MCOLN2: variants seen among roughly 807,000 people sequenced by gnomAD.
MCOLN2 encodes mucolipin-2.
MCOLN2 carries 57 observed loss-of-function variants against 67.5 expected under a neutral mutation model. That is an observed-to-expected ratio of 0.84 (90% CI 0.68 to 1.05). MCOLN2 has a LOEUF of 1.05. Ranked by LOEUF, MCOLN2 falls within the 50% of genes least tolerant of loss-of-function variation. The pLI is 0.00. For missense variants in MCOLN2, 620 were observed against 678.8 expected (o/e 0.91, Z 0.96); for synonymous variants, 246 against 233.3 (o/e 1.05, Z -0.50).
chr1:84,949,014 C>T (rs1648272789), intron 6 of MCOLN2, among the ~76,000 whole-genome samples: 1 of 152,122 alleles, frequency 6.6e-6, no homozygotes, highest in Non-Finnish European at 1.5e-5. Context: ...CCTGCAATCC[C>T]AGCCACTGGG....
At chr1:84,993,779 C>T (rs1195961355) in intron 1 of MCOLN2, among the ~76,000 whole-genome samples, 9 of 151,352 alleles carry the variant, frequency 5.9e-5, no homozygotes, top group South Asian at 2.1e-4. Flanking sequence ...TACAGGCGCC[C>T]GCCACCACGC....
At chr1:84,941,274 A>G (rs1647764732) in intron 7 of MCOLN2, among the ~76,000 whole-genome samples, 1 of 152,214 alleles carries the variant, frequency 6.6e-6, no homozygotes, top group African/African-American at 2.4e-5. Context: ...AGGTGGGCGG[A>G]TCACGAGGTC....
At chr1:84,955,232 G>C (rs1249328832) in intron 4 of MCOLN2, among the ~76,000 whole-genome samples, 1 of 152,152 alleles carries the variant, frequency 6.6e-6, no homozygotes, top group Non-Finnish European at 1.5e-5. Flanking sequence ...CAGCCCTGCA[G>C]AACTGTAAGT....
chr1:84,955,069 G>T (rs776393997), intron 4 of MCOLN2, among the ~76,000 whole-genome samples: 6 of 152,116 alleles, frequency 3.9e-5, no homozygotes, highest in Admixed American at 6.6e-5. Context: ...CCATGCTGCT[G>T]TTCTTGTGAT....
chr1:84,981,684 G>A (rs910130456), intron 1 of MCOLN2, among the ~76,000 whole-genome samples: 16 of 152,144 alleles, frequency 1.1e-4, no homozygotes, highest in African/African-American at 2.9e-4. Context: ...AGAGGTGGGG[G>A]ATAAAGGGGC....
intron 1 of MCOLN2, among the ~76,000 whole-genome samples, chr1:84,984,347 C>A (rs1207959522): frequency 6.6e-6 from 1 of 152,188 alleles, no homozygotes; most frequent in Non-Finnish European, 1.5e-5. Flanking sequence ...TAAATACACA[C>A]AAGCCAGGTA....
At chr1:84,978,370 CATAA>C (rs1395839717) in intron 1 of MCOLN2, among the ~76,000 whole-genome samples, 17 of 151,118 alleles carry the variant, frequency 1.1e-4, no homozygotes, top group Admixed American at 3.3e-4. Context: ...TTAGTAGAAA[CATAA>C]ATAAAGATCA....
intron 13 of MCOLN2, among the ~76,000 whole-genome samples, chr1:84,927,163 C>G (rs1347598161): frequency 6.6e-6 from 1 of 151,128 alleles, no homozygotes; most frequent in African/African-American, 2.4e-5. Flanking sequence ...CCTATGTAAC[C>G]TGCACGTTCA....
At position 84,987,670 on chromosome 1, in the gene MCOLN2, GTATATAGA is replaced by G. The variant is rs1382008648; in HGVS notation, c.77+9118_77+9125del. Among the ~76,000 whole-genome samples, 3 of 120,076 alleles carry G rather than the reference GTATATAGA, an allele frequency of 2.5e-5. No individual in the cohort carries two copies. The East Asian group carries it at 8.6e-4, about 35-fold the overall frequency. 78.8% of individuals were successfully genotyped at this position (120,076 alleles called of 152,430 possible). A position where few individuals can be genotyped will look rare whatever the true frequency, so the allele number is the denominator to read the frequency against. On this transcript the variant is annotated intron_variant, in intron 1 of 13. Transcript: ENST00000370608. ...AATATATACATACATATGTATATATGTATATAGATATATAGATGTATAGATGTATATAG... is the reference window on the plus strand; with the variant it reads ...AATATATACATACATATGTATATATGTATATAGATGTATAGATGTATATAG...
At chr1:84,965,206 C>CA (rs1038215154) in intron 2 of MCOLN2, among the ~76,000 whole-genome samples, 2 of 151,932 alleles carry the variant, frequency 1.3e-5, no homozygotes, top group Admixed American at 6.6e-5. Context: ...AGTCTGAAGA[C>CA]AAAAAAATGC....
chr1:84,991,382 A>G (rs1650884272), intron 1 of MCOLN2, among the ~76,000 whole-genome samples: 1 of 152,174 alleles, frequency 6.6e-6, no homozygotes, highest in Non-Finnish European at 1.5e-5. Flanking sequence ...TCCAATTCCT[A>G]CGATGAACAA....
At chr1:84,939,875 G>C in intron 8 of MCOLN2, among the ~76,000 whole-genome samples, 173 bp from the exon 9 acceptor site, 1 of 152,156 alleles carries the variant, frequency 6.6e-6, no homozygotes, top group African/African-American at 2.4e-5. Flanking sequence ...TATAATCTGA[G>C]TAAGCATTCA....
intron 2 of MCOLN2, among the ~76,000 whole-genome samples, chr1:84,964,100 G>A (rs1413521457): frequency 6.6e-6 from 1 of 152,112 alleles, no homozygotes; most frequent in Non-Finnish European, 1.5e-5. Flanking sequence ...TCAAAACAAA[G>A]AATGAAATAA....
chr1:84,994,334 G>C (rs1158716736), intron 1 of MCOLN2, among the ~76,000 whole-genome samples: 1 of 138,604 alleles, frequency 7.2e-6, no homozygotes, highest in African/African-American at 2.5e-5. Context: ...TTGCACCTTT[G>C]AAATCAGATG....
intron 11 of MCOLN2, among the ~76,000 whole-genome samples, chr1:84,932,651 T>C (rs653213): frequency 0.088 from 13,340 of 152,218 alleles, 943 homozygotes; most frequent in African/African-American, 0.2. Context: ...CAAAGAAACA[T>C]TTACTCTGAA....
intron 6 of MCOLN2, among the ~76,000 whole-genome samples, chr1:84,951,777 T>C (rs1648485016): frequency 6.6e-6 from 1 of 152,204 alleles, no homozygotes; most frequent in African/African-American, 2.4e-5. Context: ...GGATCAACAA[T>C]AATACCATAA....
chr1:84,951,885 C>T (rs1648497391), intron 6 of MCOLN2, among the ~76,000 whole-genome samples: 1 of 152,126 alleles, frequency 6.6e-6, no homozygotes. Flanking sequence ...CCAGCCTGGC[C>T]AACATGGCAA....
rs544808092 is a variant in MCOLN2 at position 84,937,670 on chromosome 1, G to A, written c.1335+85C>T. 3.6e-5 allele frequency: 56 copies of A among 1,565,784 alleles called. No individual in the cohort carries two copies. The East Asian group carries it at 1.2e-3, about 33-fold the overall frequency. ...GATGTCAAGGGTACATGCTAGAGAA[G>A]ACCAGGAAGCAAGTAAGTGCTAGAA... On this transcript the variant is annotated intron_variant, in intron 11 of 13. Transcript: ENST00000370608.
chr1:84,939,590 A>T lies in MCOLN2; in HGVS notation c.1073T>A (p.Ile358Asn), dbSNP rs766686577. Residue 358 changes from isoleucine to asparagine, a missense_variant, in exon 9 of 14, where the codon ATC (isoleucine) becomes AAC (asparagine). Ile to Asn is a moderately radical substitution (Grantham distance 149). Transcript: ENST00000370608. ...TTCCATTTTTAATATGGAGCCAATG[A>T]TTGTCATTAGGTCGCTGATAATCAC... ...VLVIISDLMT[I>N]IGSILKMEIK... 1 of 1,614,052 alleles carries T rather than the reference A, an allele frequency of 6.2e-7. No homozygotes were observed. The highest frequency in any genetic ancestry group is 8.5e-7 in the Non-Finnish European group (1 of 1,180,010).
Sources: allele counts gnomAD v4.1 joint callset (sites outside exome capture counted in the v4.1 genomes callset), GRCh38; gene constraint gnomAD v4.1.1; transcripts MANE v1.5; gene names NCBI Gene and HGNC (gene_info 2026-07-23, HGNC 2026-07-21).